Variants in CSGALNACT1 observed in about 807,000 individuals in gnomAD.
The protein encoded by CSGALNACT1 is chondroitin sulfate N-acetylgalactosaminyltransferase 1, also known as beta4GalNAcT-1.
A neutral mutation model predicts 51.0 loss-of-function variants in CSGALNACT1; 52 were observed. The observed-to-expected ratio is 1.02, with a 90% CI of 0.82 to 1.29. CSGALNACT1 has a LOEUF of 1.29. Among genes scored for constraint, CSGALNACT1 ranks in the 50% most tolerant of loss-of-function variants. CSGALNACT1 has a pLI of 0.00. For synonymous variants in CSGALNACT1, 341 were observed against 254.4 expected (o/e 1.34, Z -3.24); for missense variants, 935 against 679.2 (o/e 1.38, Z -4.19).
intron 6 of CSGALNACT1, among the ~76,000 whole-genome samples, chr8:19,429,517 A>G (rs746421194): frequency 6.6e-6 from 1 of 152,130 alleles, no homozygotes; most frequent in Non-Finnish European, 1.5e-5. Flanking sequence ...CATTTATCAC[A>G]ATGTTTTTGA....
At chr8:19,405,994 A>C in exon 10 of CSGALNACT1, 1 of 1,614,102 alleles carries the variant, frequency 6.2e-7, no homozygotes. Flanking sequence ...TACCACTATG[A>C]GGTTGCTGTG....
At chr8:19,529,753 A>G (rs1218261454) in intron 3 of CSGALNACT1, among the ~76,000 whole-genome samples, 1 of 152,194 alleles carries the variant, frequency 6.6e-6, no homozygotes, top group Non-Finnish European at 1.5e-5. Flanking sequence ...ATGTATGCAC[A>G]GCTCCCTTAT....
At chr8:19,644,792 C>T (rs930357830) in intron 1 of CSGALNACT1, among the ~76,000 whole-genome samples, 1 of 146,026 alleles carries the variant, frequency 6.8e-6, no homozygotes, top group Non-Finnish European at 1.5e-5. Context: ...ACCAGAATTA[C>T]AGAACTAAAA....
chr8:19,714,752 A>G (rs1179482220), intron 1 of CSGALNACT1, among the ~76,000 whole-genome samples: 1 of 117,050 alleles, frequency 8.5e-6, no homozygotes, highest in Admixed American at 9.3e-5. Context: ...GTCTCCTGGG[A>G]TATTTTTTTT....
chr8:19,696,800 T>C (rs1315695220), intron 1 of CSGALNACT1, among the ~76,000 whole-genome samples: 1 of 152,130 alleles, frequency 6.6e-6, no homozygotes, highest in African/African-American at 2.4e-5. Context: ...CCACACACAG[T>C]GTCGACTGTT....
At chr8:19,710,583 A>T (rs2062444549) in intron 1 of CSGALNACT1, among the ~76,000 whole-genome samples, 1 of 152,202 alleles carries the variant, frequency 6.6e-6, no homozygotes, top group Non-Finnish European at 1.5e-5. Flanking sequence ...AATATGTATT[A>T]GTTCTAGGGT....
At chr8:19,539,267 G>A (rs938465379) in intron 3 of CSGALNACT1, among the ~76,000 whole-genome samples, 6 of 152,160 alleles carry the variant, frequency 3.9e-5, no homozygotes, top group African/African-American at 9.7e-5. Context: ...GTCCTCATAT[G>A]TATTAGATAT....
intron 4 of CSGALNACT1, among the ~76,000 whole-genome samples, chr8:19,492,837 A>T (rs1000995448): frequency 6.6e-6 from 1 of 152,250 alleles, no homozygotes; most frequent in African/African-American, 2.4e-5. Context: ...GACTATGATC[A>T]GGAATAATAT....
rs1046134597 is a variant in CSGALNACT1, at chr8:19,486,679, G to A, written c.634+18522C>T. Among the ~76,000 whole-genome samples, 4 of 152,088 alleles carry A rather than the reference G, an allele frequency of 2.6e-5. No homozygotes were observed. In the East Asian group the frequency reaches 7.7e-4, roughly 29 times the overall value. ...CTACTCAATGAGACCTACATTGACT[G>A]TCTTATTTCAGATTGTATTATCGTC... On this transcript the variant is annotated intron_variant, in intron 4 of 9. Transcript: ENST00000454498.
At chr8:19,536,864 C>A (rs923550163) in intron 3 of CSGALNACT1, among the ~76,000 whole-genome samples, 7 of 152,178 alleles carry the variant, frequency 4.6e-5, no homozygotes, top group Non-Finnish European at 1.0e-4. Flanking sequence ...ACAACTGCTA[C>A]GTCCAACTGC....
At chr8:19,691,687 G>A (rs139707345) in intron 1 of CSGALNACT1, among the ~76,000 whole-genome samples, 3 of 152,306 alleles carry the variant, frequency 2.0e-5, no homozygotes, top group African/African-American at 4.8e-5. Flanking sequence ...CCTTGTGGCT[G>A]TGAACTAGTG....
intron 3 of CSGALNACT1, among the ~76,000 whole-genome samples, chr8:19,582,398 C>G: frequency 6.6e-6 from 1 of 152,230 alleles, no homozygotes; most frequent in East Asian, 1.9e-4. Context: ...AGGAAAAGAA[C>G]CTTTATTGCT....
At chr8:19,584,279 C>T (rs1422344364) in intron 3 of CSGALNACT1, among the ~76,000 whole-genome samples, 2 of 152,182 alleles carry the variant, frequency 1.3e-5, no homozygotes, top group Admixed American at 1.3e-4. Flanking sequence ...CCTGTGGTCC[C>T]AGGCAATGTT....
At chr8:19,430,428 A>G (rs1370889894) in intron 6 of CSGALNACT1, among the ~76,000 whole-genome samples, 1 of 152,228 alleles carries the variant, frequency 6.6e-6, no homozygotes, top group Non-Finnish European at 1.5e-5. Context: ...TTCTCTGCAC[A>G]TGAATATCCA....
In CSGALNACT1 at chr8:19,657,071, A is replaced by C. The variant is rs1470275742; in HGVS notation, c.-544+25402T>G. On this transcript the variant is annotated intron_variant, in intron 1 of 9. Transcript: ENST00000332246. ...GAGTAAGACTCCATCTCATTAAAAAAAAAAAAAAAAAGGAAAACAAATAAA... is the reference window on the plus strand; with the variant it reads ...GAGTAAGACTCCATCTCATTAAAAACAAAAAAAAAAAGGAAAACAAATAAA... 2.6e-5 allele frequency among the ~76,000 whole-genome samples: 4 copies of C among 151,594 alleles called. No individual in the cohort carries two copies. The East Asian group carries it at 7.7e-4, about 29-fold the overall frequency.
chr8:19,728,586 C>G (rs540255035), intron 1 of CSGALNACT1, among the ~76,000 whole-genome samples: 8 of 152,206 alleles, frequency 5.3e-5, no homozygotes, highest in Non-Finnish European at 7.4e-5. Flanking sequence ...TGAGTACACA[C>G]GCACACACAC....
chr8:19,516,266 T>G (rs1429367132), intron 3 of CSGALNACT1, among the ~76,000 whole-genome samples: 1 of 152,072 alleles, frequency 6.6e-6, no homozygotes, highest in African/African-American at 2.4e-5. Context: ...AACTGAAGCT[T>G]AAAGCAATGA....
chr8:19,501,112 T>G (rs774267703), intron 4 of CSGALNACT1, among the ~76,000 whole-genome samples: 2 of 151,190 alleles, frequency 1.3e-5, no homozygotes, highest in Non-Finnish European at 2.9e-5. Flanking sequence ...TAACCAAGCA[T>G]AGTGGCACGT....
exon 10 of CSGALNACT1, chr8:19,405,525 G>A: frequency 1.6e-6 from 1 of 638,882 alleles, no homozygotes; most frequent in Non-Finnish European, 2.9e-6. Context: ...CACACCATTA[G>A]GCTTATAATC....
Sources: allele counts gnomAD v4.1 joint callset (sites outside exome capture counted in the v4.1 genomes callset), GRCh38; gene constraint gnomAD v4.1.1; transcripts MANE v1.5; gene names NCBI Gene and HGNC (gene_info 2026-07-23, HGNC 2026-07-21).